CCT6B: variants seen among roughly 807,000 people sequenced by gnomAD.
CCT6B encodes chaperonin containing TCP1 subunit 6B.
CCT6B carries 49 observed loss-of-function variants against 61.5 expected under a neutral mutation model. That is an observed-to-expected ratio of 0.80 (90% CI 0.63 to 1.01). CCT6B has a LOEUF of 1.01. Among genes scored for constraint, CCT6B ranks in the 50% least tolerant of loss-of-function variants. The pLI is 0.00. For synonymous variants in CCT6B, 228 were observed against 214.5 expected (o/e 1.06, Z -0.55); for missense variants, 666 against 634.7 (o/e 1.05, Z -0.53).
chr17:34,955,561 T>C (rs1392315877), intron 3 of CCT6B, among the ~76,000 whole-genome samples: 1 of 152,236 alleles, frequency 6.6e-6, no homozygotes. Context: ...TTCTTTGTAG[T>C]ATGTTTGCAA....
chr17:34,955,731 G>A (rs1361423230), intron 3 of CCT6B, among the ~76,000 whole-genome samples: 1 of 152,040 alleles, frequency 6.6e-6, no homozygotes, highest in Non-Finnish European at 1.5e-5. Context: ...TTGACATTGA[G>A]TATTTGTGCT....
chr17:34,941,728 G>T (rs1024201919), intron 7 of CCT6B, among the ~76,000 whole-genome samples: 9 of 152,090 alleles, frequency 5.9e-5, no homozygotes, highest in African/African-American at 2.2e-4. Flanking sequence ...TTACACAAGT[G>T]CTCTCCTTCA....
At chr17:34,946,955 T>C (rs1054328985) in intron 5 of CCT6B, among the ~76,000 whole-genome samples, 1 of 152,188 alleles carries the variant, frequency 6.6e-6, no homozygotes, top group African/African-American at 2.4e-5. Context: ...AGAGTGCTGA[T>C]TACACAGATA....
At chr17:34,929,273 TTC>T (rs1453701504) in intron 12 of CCT6B, among the ~76,000 whole-genome samples, 1 of 152,100 alleles carries the variant, frequency 6.6e-6, no homozygotes, top group Non-Finnish European at 1.5e-5. Context: ...TCTTCTGGTT[TTC>T]TTTCTTTTGC....
Position 34,928,017 on chromosome 17 carries a change from C to G in CCT6B, c.*31G>C. 4.5e-6 allele frequency: 7 copies of G among 1,546,518 alleles called. No individual in the cohort carries two copies. The highest frequency in any genetic ancestry group is 6.2e-6 in the Non-Finnish European group (7 of 1,123,932). On this transcript the variant is annotated 3_prime_UTR_variant, in exon 14 of 14. Transcript: ENST00000314144. Reference sequence around the variant, plus strand: ...AGATGTAAAGTGTACTAAATTTCATCTTCTAGAAGGGTTGATTTTGAATTC... The same window carrying G: ...AGATGTAAAGTGTACTAAATTTCATGTTCTAGAAGGGTTGATTTTGAATTC...
intron 5 of CCT6B, among the ~76,000 whole-genome samples, chr17:34,951,466 C>G (rs1432579238): frequency 6.6e-6 from 1 of 152,132 alleles, no homozygotes; most frequent in Non-Finnish European, 1.5e-5. Context: ...TCACAGTTTT[C>G]TATAATACAA....
intron 1 of CCT6B, 122 bp downstream of exon 1, chr17:34,961,135 G>A (rs942712808): frequency 3.2e-6 from 4 of 1,242,888 alleles, no homozygotes; most frequent in African/African-American, 1.5e-5. Flanking sequence ...GAGCAGGGAT[G>A]AGAATGAGGG....
chr17:34,940,308 T>G (rs2090147823), intron 8 of CCT6B, among the ~76,000 whole-genome samples: 1 of 152,224 alleles, frequency 6.6e-6, no homozygotes, highest in Non-Finnish European at 1.5e-5. Context: ...TTTTAAAATC[T>G]GTTTTAAAAA....
chr17:34,943,934 AT>A (rs1481792223), intron 5 of CCT6B: 1 of 152,036 alleles, frequency 6.6e-6, no homozygotes, highest in Non-Finnish European at 1.5e-5. Context: ...AAGAGTCAAT[AT>A]TTTTATAACT....
At chr17:34,951,288 T>G (rs1326465986) in intron 5 of CCT6B, among the ~76,000 whole-genome samples, 1 of 148,872 alleles carries the variant, frequency 6.7e-6, no homozygotes, top group African/African-American at 2.4e-5. Context: ...GGGTTTATGT[T>G]TTATGGATTA....
intron 10 of CCT6B, among the ~76,000 whole-genome samples, chr17:34,933,338 C>T (rs1182818939): frequency 6.6e-6 from 1 of 152,152 alleles, no homozygotes; most frequent in Non-Finnish European, 1.5e-5. Context: ...ACTTTTATAT[C>T]TGCTACTTGT....
chr17:34,933,112 T>G (rs1340623360), intron 10 of CCT6B, among the ~76,000 whole-genome samples: 1 of 152,206 alleles, frequency 6.6e-6, no homozygotes, highest in African/African-American at 2.4e-5. Context: ...TATTTATAAT[T>G]TATATTGACA....
intron 5 of CCT6B, among the ~76,000 whole-genome samples, chr17:34,947,088 T>G (rs990597842): frequency 6.6e-6 from 1 of 152,166 alleles, no homozygotes; most frequent in African/African-American, 2.4e-5. Flanking sequence ...AGACATTGTT[T>G]AAGAGAAAAT....
chr17:34,943,115 C>A (rs908754504), intron 5 of CCT6B: 2 of 436,430 alleles, frequency 4.6e-6, no homozygotes, highest in Non-Finnish European at 4.1e-6. Context: ...CTCCTGGGCT[C>A]AAGCAATCCT....
At chr17:34,947,400 A>G (rs1179650804) in intron 5 of CCT6B, among the ~76,000 whole-genome samples, 1 of 152,196 alleles carries the variant, frequency 6.6e-6, no homozygotes, top group African/African-American at 2.4e-5. Context: ...ATATCTTAAC[A>G]TCACCTAGGT....
Position 34,942,883 on chromosome 17 carries a change from T to C in CCT6B, c.638A>G (p.Asp213Gly), listed in dbSNP as rs1197551589. 3 of 1,606,154 alleles carry C rather than the reference T, an allele frequency of 1.9e-6. No homozygotes were observed. Among genetic ancestry groups the C allele is most frequent in the Non-Finnish European group, 2.6e-6 (3 of 1,174,638 alleles). The change falls in exon 6 of 14, where the codon GAT becomes GGT. Residue 213 changes from aspartate to glycine, a missense_variant. By Grantham distance (94) the Asp-to-Gly change is moderately conservative (BLOSUM62 -1). Coordinates refer to ENST00000314144, the MANE Select transcript of CCT6B (RefSeq NM_006584.4). ...CATATCTGGATGACGGGCACCATGATCCAAAACTAATCCTTGGATCAACCT... is the reference window on the plus strand; with the variant it reads ...CATATCTGGATGACGGGCACCATGACCCAAAACTAATCCTTGGATCAACCT... ...DTKLIQGLVLDHGARHPDMKK... is the reference protein window; with the variant it reads ...DTKLIQGLVLGHGARHPDMKK...
At position 34,932,372 on chromosome 17, in the gene CCT6B, GAAT is replaced by G; in HGVS notation, c.1339_1341del (p.Ile447del). 6.2e-7 allele frequency: 1 copy of G among 1,607,334 alleles called. No individual in the cohort carries two copies. Among genetic ancestry groups the G allele is most frequent in the South Asian group, 1.1e-5 (1 of 89,372 alleles). On this transcript the variant is annotated inframe_deletion, in exon 11 of 14. Transcript: ENST00000314144. The stretch of plus-strand genomic sequence containing the variant: ...GGCCGAAAGGGTAGTTGTACCTTGG[GAAT>G]AATGAGTAAGGCATCAGCAAAAGCT...
At chr17:34,956,704 A>G (rs1425227138) in intron 3 of CCT6B, among the ~76,000 whole-genome samples, 1 of 152,168 alleles carries the variant, frequency 6.6e-6, no homozygotes, top group Non-Finnish European at 1.5e-5. Flanking sequence ...GCCCAATCAT[A>G]CTAAAGAAAA....
chr17:34,959,290 A>AT (rs1202795026), intron 2 of CCT6B, among the ~76,000 whole-genome samples: 1 of 149,496 alleles, frequency 6.7e-6, no homozygotes, highest in Non-Finnish European at 1.5e-5. Flanking sequence ...CACTGAGCAA[A>AT]ATTTTTTTTT....
Sources: gnomAD v4.1 joint callset for allele counts (sites outside exome capture counted in the v4.1 genomes callset) on GRCh38, gnomAD v4.1.1 for gene constraint, MANE v1.5 for transcripts, NCBI Gene and HGNC (gene_info 2026-07-23, HGNC 2026-07-21) for gene names.